Variants in CFAP99 observed in about 807,000 individuals in gnomAD.
The protein encoded by CFAP99 is cilia- and flagella-associated protein 99.
CFAP99 carries 84 observed loss-of-function variants against 82.7 expected under a neutral mutation model. The ratio of observed to expected loss-of-function variants is 1.02; its 90% CI spans 0.85 to 1.22. CFAP99 has a LOEUF of 1.22. CFAP99 is among the 50% of genes most tolerant of loss of function. CFAP99 has a pLI of 0.00. For synonymous variants in CFAP99, 456 were observed against 429.5 expected (o/e 1.06, Z -0.76); for missense variants, 1,059 against 983.5 (o/e 1.08, Z -1.03).
chr4:2,450,170 A>C, intron 8 of CFAP99, 165 bp downstream of exon 8: 1 of 706,718 alleles, frequency 1.4e-6, no homozygotes, highest in Non-Finnish European at 2.4e-6. Flanking sequence ...CCTTGAGCCC[A>C]CTGCGATGTG....
chr4:2,444,290 C>T (rs1179533867), intron 5 of CFAP99, among the ~76,000 whole-genome samples: 2 of 152,188 alleles, frequency 1.3e-5, no homozygotes, highest in Admixed American at 1.3e-4. Flanking sequence ...GCTCAGTTCC[C>T]GTGAGCCCCT....
chr4:2,433,070 C>T (rs554000220), intron 2 of CFAP99, among the ~76,000 whole-genome samples: 16 of 152,280 alleles, frequency 1.1e-4, no homozygotes, highest in Non-Finnish European at 1.9e-4. Flanking sequence ...AGGACCTGGC[C>T]GTGGGCCCGG....
rs1238883788 is a variant in CFAP99 at position 2,462,856 on chromosome 4, A to G, written c.2075A>G (p.Glu692Gly). The G allele has an allele frequency of 1.4e-6, 2 of 1,393,056 alleles. No individual in the cohort carries two copies. Among genetic ancestry groups the G allele is most frequent in the Non-Finnish European group, 9.3e-7 (1 of 1,073,308 alleles). 86.3% of individuals were successfully genotyped at this position (1,393,056 alleles called of 1,614,324 possible). The change falls in exon 15 of 15, where the codon GAG becomes GGG. Residue 692 changes from glutamate to glycine, a missense_variant. Transcript: ENST00000635017. This position sits in a 1 kb window ranked among gnomAD's most constrained non-coding sequence, Gnocchi z 4.1. ...TGGCTGGAGCTGGAGCGGAGCCGCG[A>G]GCGCAGGCTGCAGGCGCTGCAGCAG... is the stretch of plus-strand genomic sequence containing the variant.
chr4:2,426,415 A>C, intron 1 of CFAP99, 44 bp from the exon 2 acceptor site: 1 of 1,242,028 alleles, frequency 8.1e-7, no homozygotes, highest in Middle Eastern at 1.8e-4. Context: ...TCCTGCGGCT[A>C]CATCCCAGGT....
rs757554377 is a variant in CFAP99, at chr4:2,458,709, C to T, written c.1162-14C>T. 7.3e-5 allele frequency: 112 copies of T among 1,528,400 alleles called. 2 individuals carry two copies. In the East Asian group the frequency reaches 1.2e-3, roughly 16 times the overall value. The allele number at this position is 1,528,400 out of a possible 1,614,324, so 94.7% of individuals were successfully genotyped here. A position where few individuals can be genotyped will look rare whatever the true frequency, so the allele number is the denominator to read the frequency against. On this transcript the variant is annotated splice_polypyrimidine_tract_variant and intron_variant, in intron 11 of 14. Coordinates refer to ENST00000635017, the Ensembl canonical transcript of CFAP99. ...GCAGCCCCACTCACCGTGGCAGGTCCGCTGTCTGGGCAGATGGCCAAGCTG... is the reference window on the plus strand; with the variant it reads ...GCAGCCCCACTCACCGTGGCAGGTCTGCTGTCTGGGCAGATGGCCAAGCTG...
chr4:2,459,387 A>G (rs1017335937), intron 13 of CFAP99, 129 bp downstream of exon 13: 31 of 1,109,996 alleles, frequency 2.8e-5, no homozygotes, highest in South Asian at 5.2e-5. Context: ...CTGGCCCGCC[A>G]CCCTCCGTGA....
chr4:2,455,510 TA>T (rs35260701), intron 11 of CFAP99, among the ~76,000 whole-genome samples: 31,225 of 151,970 alleles, frequency 0.21, 3,358 homozygotes, highest in South Asian at 0.26. Context: ...CCATGTCTAC[TA>T]AAAAAACAAA....
At chr4:2,441,664 A>G (rs1734044088) in intron 4 of CFAP99, among the ~76,000 whole-genome samples, 1 of 152,192 alleles carries the variant, frequency 6.6e-6, no homozygotes, top group Non-Finnish European at 1.5e-5. Flanking sequence ...TCCCCAAGGG[A>G]ACTGCCCAGG....
At chr4:2,450,270 T>C (rs1041642575) in intron 8 of CFAP99, 1 of 525,902 alleles carries the variant, frequency 1.9e-6, no homozygotes, top group Non-Finnish European at 3.4e-6. Flanking sequence ...TCTGGGTATC[T>C]CCAGATGTTC....
At chr4:2,458,041 G>A (rs919956507) in intron 11 of CFAP99, among the ~76,000 whole-genome samples, 18 of 152,164 alleles carry the variant, frequency 1.2e-4, no homozygotes, top group South Asian at 2.1e-4. Flanking sequence ...CTGATTCCAC[G>A]TTCCCAAAGA....
intron 11 of CFAP99, among the ~76,000 whole-genome samples, chr4:2,453,765 A>G (rs956695564): frequency 1.2e-5 from 1 of 81,464 alleles, no homozygotes; most frequent in Non-Finnish European, 2.6e-5. Flanking sequence ...TTGGTTCTTT[A>G]TTTATTTAAC....
Position 2,462,568 on chromosome 4 carries a change from A to T in CFAP99, c.1787A>T (p.His596Leu). 1 of 1,447,604 alleles carries T rather than the reference A, an allele frequency of 6.9e-7. No homozygotes were observed. The allele number at this position is 1,447,604 out of a possible 1,614,324, so 89.7% of individuals were successfully genotyped here. A position where few individuals can be genotyped will look rare whatever the true frequency, so the allele number is the denominator to read the frequency against. ...CGCAGCAGGCAGGCGGCCTTGCTGC[A>T]CGTGTCGGCGCCGCGGACCGCGCGC... Residue 596 changes from histidine (H) to leucine (L), a missense_variant, in exon 15 of 15, where the codon CAC becomes CTC. His to Leu is a moderately conservative substitution (Grantham distance 99). Transcript: ENST00000635017. This position sits in a 1 kb window ranked among gnomAD's most constrained non-coding sequence, Gnocchi z 4.1.
exon 8 of CFAP99, chr4:2,449,965 T>C (rs1429524363): frequency 4.6e-6 from 7 of 1,536,174 alleles, no homozygotes; most frequent in South Asian, 1.2e-5. Flanking sequence ...ATCGAGGAAC[T>C]GCGCTGCGCC....
intron 5 of CFAP99, 82 bp downstream of exon 5, chr4:2,443,324 C>A (rs930733232): frequency 1.2e-6 from 1 of 809,398 alleles, no homozygotes; most frequent in Non-Finnish European, 2.1e-6. Flanking sequence ...GGGAGCTCCA[C>A]GTTCCCCTTC....
chr4:2,420,136 T>C (rs1733537335), intron 1 of CFAP99, among the ~76,000 whole-genome samples: 1 of 151,842 alleles, frequency 6.6e-6, no homozygotes, highest in African/African-American at 2.4e-5. Context: ...CCACTCCTGC[T>C]TGATCTCCTT....
intron 11 of CFAP99, 138 bp from the exon 12 acceptor site, chr4:2,458,585 A>T (rs1199537462): frequency 9.9e-6 from 11 of 1,113,172 alleles, no homozygotes; most frequent in African/African-American, 3.2e-5. Context: ...GAATGGGCTT[A>T]GACCTGGGTT....
chr4:2,459,940 G>A lies in CFAP99; in HGVS notation c.1456-97G>A. On this transcript the variant is annotated intron_variant, in intron 13 of 14. Transcript: ENST00000635017. ...CAGTGTTGAAGCAGAGGGAAGGTGGGCAAGGGGTGGGCCTATGGAACAGGG... is the reference window on the plus strand; with the variant it reads ...CAGTGTTGAAGCAGAGGGAAGGTGGACAAGGGGTGGGCCTATGGAACAGGG... 5 of 1,100,904 alleles carry A rather than the reference G, an allele frequency of 4.5e-6. No homozygotes were observed. In the East Asian group the frequency reaches 1.3e-4, roughly 28 times the overall value. 68.2% of individuals were successfully genotyped at this position (1,100,904 alleles called of 1,614,324 possible). A position where few individuals can be genotyped will look rare whatever the true frequency, so the allele number is the denominator to read the frequency against.
At chr4:2,460,587 A>G (rs1734599289) in intron 14 of CFAP99, among the ~76,000 whole-genome samples, 1 of 152,214 alleles carries the variant, frequency 6.6e-6, no homozygotes, top group African/African-American at 2.4e-5. Flanking sequence ...CAGACACTTT[A>G]AACACTTCAG....
rs926488566 is a variant in CFAP99 at position 2,446,362 on chromosome 4, A to G, written c.642+1054A>G. Among the ~76,000 whole-genome samples the G allele has an allele frequency of 2.7e-5, 4 of 147,140 alleles. No homozygotes were observed. The highest frequency in any genetic ancestry group is 1.0e-4 in the African/African-American group (4 of 39,140). ...TATTCTCTTTTTATTTCATTTTATT[A>G]TTGTTGTTATTATTATTATTATTAT... On this transcript the variant is annotated intron_variant, in intron 6 of 14. Coordinates refer to ENST00000635017, the Ensembl canonical transcript of CFAP99. This position sits in a 1 kb window ranked among gnomAD's most constrained non-coding sequence, Gnocchi z 5.0.
Sources: gnomAD v4.1 joint callset for allele counts (sites outside exome capture counted in the v4.1 genomes callset) on GRCh38, gnomAD v4.1.1 for gene constraint, Gnocchi (gnomAD v3.1) non-coding constraint, MANE v1.5 for transcripts, NCBI Gene and HGNC (gene_info 2026-07-23, HGNC 2026-07-21) for gene names.